The following RSRC1 variants were observed in gnomAD, a reference collection of about 807,000 sequenced individuals.
RSRC1 encodes arginine and serine rich coiled-coil 1.
A neutral mutation model predicts 49.1 loss-of-function variants in RSRC1; 39 were observed. The ratio of observed to expected loss-of-function variants is 0.79; its 90% confidence interval spans 0.61 to 1.04. The LOEUF (loss-of-function observed/expected upper bound fraction) is 1.04, where lower values mean the gene tolerates loss of function less well. RSRC1 is among the 50% of genes least tolerant of loss of function. RSRC1 has a pLI of 0.00. For synonymous variants in RSRC1, 143 were observed against 130.8 expected (o/e 1.09, Z -0.63); for missense variants, 388 against 402.4 (o/e 0.96, Z 0.31).
intron 7 of RSRC1, among the ~76,000 whole-genome samples, chr3:158,462,559 A>C (rs1334762886): frequency 6.6e-6 from 1 of 151,974 alleles, no homozygotes; most frequent in African/African-American, 2.4e-5. Context: ...GAGTAATCAC[A>C]GATATTGAAA....
chr3:158,193,641 T>C (rs912054711), intron 3 of RSRC1, among the ~76,000 whole-genome samples: 1 of 152,146 alleles, frequency 6.6e-6, no homozygotes, highest in Non-Finnish European at 1.5e-5. Context: ...TTGTTATTGC[T>C]TTTTTATCAG....
intron 1 of RSRC1, among the ~76,000 whole-genome samples, chr3:158,116,823 A>G (rs554563695): frequency 6.6e-6 from 1 of 152,172 alleles, no homozygotes; most frequent in Non-Finnish European, 1.5e-5. Flanking sequence ...CTATAGGGAA[A>G]GGATTTTTTT....
intron 6 of RSRC1, among the ~76,000 whole-genome samples, chr3:158,389,207 C>T (rs1304069105): frequency 6.6e-6 from 1 of 152,180 alleles, no homozygotes; most frequent in African/African-American, 2.4e-5. Flanking sequence ...ATAAACATCA[C>T]TCTTTCATCA....
chr3:158,201,927 A>G (rs1578193099), intron 3 of RSRC1, among the ~76,000 whole-genome samples: 1 of 152,172 alleles, frequency 6.6e-6, no homozygotes, highest in Non-Finnish European at 1.5e-5. Context: ...CATATTATGA[A>G]TACTCTGTTA....
intron 4 of RSRC1, among the ~76,000 whole-genome samples, chr3:158,243,726 G>T (rs1393322769): frequency 6.6e-6 from 1 of 152,010 alleles, no homozygotes; most frequent in Non-Finnish European, 1.5e-5. Context: ...TTGAGCACTG[G>T]TTCTTAGTTC....
At chr3:158,389,878 C>T (rs749357686) in intron 6 of RSRC1, among the ~76,000 whole-genome samples, 1 of 152,114 alleles carries the variant, frequency 6.6e-6, no homozygotes, top group African/African-American at 2.4e-5. Flanking sequence ...TTTTCAGTCT[C>T]CTCAACTAAA....
chr3:158,112,818 C>T (rs1238892421), intron 1 of RSRC1, among the ~76,000 whole-genome samples: 1 of 151,556 alleles, frequency 6.6e-6, no homozygotes, highest in Non-Finnish European at 1.5e-5. Flanking sequence ...CACCTCAGGC[C>T]CCATTGTGTG....
At chr3:158,480,194 G>A (rs1738552263) in intron 7 of RSRC1, among the ~76,000 whole-genome samples, 1 of 151,978 alleles carries the variant, frequency 6.6e-6, no homozygotes, top group Non-Finnish European at 1.5e-5. Context: ...TCTAGCTGTA[G>A]TTTAAAGAAA....
chr3:158,343,755 G>C (rs1371029403), intron 5 of RSRC1, among the ~76,000 whole-genome samples: 1 of 150,444 alleles, frequency 6.6e-6, no homozygotes, highest in Non-Finnish European at 1.5e-5. Flanking sequence ...CATAGCAAAA[G>C]AACTATCCAA....
intron 6 of RSRC1, among the ~76,000 whole-genome samples, chr3:158,369,311 T>C (rs1396921429): frequency 6.6e-6 from 1 of 152,142 alleles, no homozygotes; most frequent in African/African-American, 2.4e-5. Context: ...TTCTAAAATA[T>C]GTGCACATTG....
chr3:158,449,210 T>C (rs1002769375), intron 6 of RSRC1, among the ~76,000 whole-genome samples: 1 of 151,864 alleles, frequency 6.6e-6, no homozygotes, highest in Admixed American at 6.6e-5. Context: ...TCTTATAGTT[T>C]CAGTGTCTCT....
chr3:158,446,155 G>C (rs2108382170), intron 6 of RSRC1, among the ~76,000 whole-genome samples: 1 of 152,158 alleles, frequency 6.6e-6, no homozygotes, highest in Non-Finnish European at 1.5e-5. Flanking sequence ...GTTTTTAAAT[G>C]CAGAGTTGAT....
At chr3:158,130,071 T>A (rs1472030682) in intron 3 of RSRC1, among the ~76,000 whole-genome samples, 1 of 152,180 alleles carries the variant, frequency 6.6e-6, no homozygotes, top group South Asian at 2.1e-4. Context: ...AGGTTAGAGA[T>A]CAGGGTGACA....
intron 4 of RSRC1, among the ~76,000 whole-genome samples, chr3:158,206,919 AC>A (rs932478069): frequency 9.9e-5 from 15 of 152,190 alleles, no homozygotes; most frequent in African/African-American, 3.6e-4. Context: ...GTTTAAAAAA[AC>A]AAAAGATAAG....
chr3:158,435,717 C>T (rs998786199), intron 6 of RSRC1, among the ~76,000 whole-genome samples: 4 of 151,468 alleles, frequency 2.6e-5, no homozygotes, highest in African/African-American at 7.3e-5. Flanking sequence ...GAAGACTTTA[C>T]GCTTAGAAAA....
intron 3 of RSRC1, among the ~76,000 whole-genome samples, chr3:158,192,426 A>G (rs2108265164): frequency 6.6e-6 from 1 of 152,218 alleles, no homozygotes; most frequent in East Asian, 1.9e-4. Flanking sequence ...TGTTTTCTAT[A>G]GTAGAGTCCT....
At chr3:158,255,753 C>T (rs1474081506) in intron 4 of RSRC1, among the ~76,000 whole-genome samples, 1 of 152,134 alleles carries the variant, frequency 6.6e-6, no homozygotes, top group Non-Finnish European at 1.5e-5. Context: ...TTATAGTTCT[C>T]CTTGAAGAGG....
intron 7 of RSRC1, among the ~76,000 whole-genome samples, chr3:158,521,666 A>C (rs2108490207): frequency 1.4e-5 from 2 of 146,750 alleles, no homozygotes; most frequent in South Asian, 4.6e-4. Context: ...CACTTACTTC[A>C]CTTGTAAATA....
chr3:158,331,175 G>GGT (rs1729524029), intron 5 of RSRC1, among the ~76,000 whole-genome samples: 1 of 152,138 alleles, frequency 6.6e-6, no homozygotes, highest in African/African-American at 2.4e-5. Context: ...GGGCTCAGAG[G>GGT]GTGAGGGGAA....
Sources: gnomAD v4.1 joint callset for allele counts (sites outside exome capture counted in the v4.1 genomes callset) on GRCh38, gnomAD v4.1.1 for gene constraint, MANE v1.5 for transcripts, NCBI Gene and HGNC (gene_info 2026-07-23, HGNC 2026-07-21) for gene names.